Variants in SORCS2 observed in about 807,000 individuals in gnomAD.
The protein encoded by SORCS2 is sortilin related VPS10 domain containing receptor 2, also known as VPS10 domain-containing receptor SorCS2.
In SORCS2, 100 loss-of-function variants were observed where a neutral mutation model predicts 141.6. The ratio of observed to expected loss-of-function variants is 0.71; its 90% CI spans 0.60 to 0.83. SORCS2 has a LOEUF of 0.83. Ranked by LOEUF, SORCS2 falls within the 40% of genes least tolerant of loss-of-function variation. SORCS2 has a pLI of 0.00. For missense variants in SORCS2, 1,646 were observed against 1,560.2 expected, an observed-to-expected ratio of 1.05 and a Z score of -0.93; for synonymous variants, 789 against 676.9, an observed-to-expected ratio of 1.17 and a Z score of -2.57.
At chr4:7,692,417 C>A (rs1461402008) in intron 11 of SORCS2, among the ~76,000 whole-genome samples, 1 of 152,232 alleles carries the variant, frequency 6.6e-6, no homozygotes, top group African/African-American at 2.4e-5. Context: ...CTGCACTTCT[C>A]TGAGCCTCAG....
intron 1 of SORCS2, among the ~76,000 whole-genome samples, chr4:7,325,490 A>G (rs1173832475): frequency 6.6e-6 from 1 of 152,016 alleles, no homozygotes. Context: ...AATTTGGGGA[A>G]AACTGTTGGT....
chr4:7,733,232 TC>T (rs1711847951), intron 23 of SORCS2, 89 bp from the exon 24 acceptor site: 1 of 522,654 alleles, frequency 1.9e-6, no homozygotes, highest in Admixed American at 9.0e-5. Context: ...GACCCCTCAC[TC>T]CCCTCCTGGA....
At chr4:7,700,707 C>T (rs768787642) in intron 12 of SORCS2, among the ~76,000 whole-genome samples, 1 of 152,198 alleles carries the variant, frequency 6.6e-6, no homozygotes, top group Non-Finnish European at 1.5e-5. Context: ...CCCCGCTCCA[C>T]CCCCGGGGGC....
chr4:7,658,751 G>T (rs896860138), intron 5 of SORCS2, among the ~76,000 whole-genome samples: 1 of 152,208 alleles, frequency 6.6e-6, no homozygotes, highest in Non-Finnish European at 1.5e-5. Flanking sequence ...GGTCCCTGGA[G>T]AAGGTGAGGC....
At chr4:7,628,467 T>G (rs546416898) in intron 3 of SORCS2, among the ~76,000 whole-genome samples, 1 of 147,806 alleles carries the variant, frequency 6.8e-6, no homozygotes, top group Non-Finnish European at 1.5e-5. Context: ...TGCAGTGAGC[T>G]GAGATTGTGC....
chr4:7,212,465 AGGGGGCT>A (rs1031737624), intron 1 of SORCS2, among the ~76,000 whole-genome samples: 2 of 152,232 alleles, frequency 1.3e-5, no homozygotes, highest in Non-Finnish European at 2.9e-5. Context: ...CAGAATGTCC[AGGGGGCT>A]GGCTTCAGGC....
chr4:7,638,506 G>A lies in SORCS2; in HGVS notation c.813+14G>A, dbSNP rs752845905. 1 of 1,605,148 alleles carries A rather than the reference G, an allele frequency of 6.2e-7. No individual in the cohort carries two copies. The highest frequency in any genetic ancestry group is 8.5e-7 in the Non-Finnish European group (1 of 1,177,076). ...AAGGAGAGCAAGGTAAGATATATGG[G>A]TGCCAGTCGCCTGGTCTGTGGGGCT... On this transcript the variant is annotated intron_variant, in intron 4 of 26. Transcript: ENST00000507866.
chr4:7,379,995 C>T (rs1416366319), intron 1 of SORCS2, among the ~76,000 whole-genome samples: 1 of 152,240 alleles, frequency 6.6e-6, no homozygotes, highest in African/African-American at 2.4e-5. Flanking sequence ...TTCTGCTTTC[C>T]TGATGCCCAG....
chr4:7,616,333 T>C (rs143099644), intron 3 of SORCS2, among the ~76,000 whole-genome samples: 2 of 152,218 alleles, frequency 1.3e-5, no homozygotes, highest in Non-Finnish European at 2.9e-5. Context: ...CATCTGTCCA[T>C]TCACCCATCC....
In SORCS2 at chr4:7,704,177, G is replaced by A. The variant is rs779089341; in HGVS notation, c.1761G>A (p.Lys587=). 1.2e-6 allele frequency: 2 copies of A among 1,611,460 alleles called. No homozygotes were observed. The highest frequency in any genetic ancestry group is 1.3e-5 in the African/African-American group (1 of 75,040). Residue 587 remains lysine, a splice_region_variant and synonymous_variant, in exon 14 of 27, where the codon AAG becomes AAA. Transcript: ENST00000507866. ...GATGCTGACGATCTTCTCCTGGCAG[G>A]TTCAGTGTGGACGAGGGCCTCACCT... ...KDTSIPLKIL[K]FSVDEGLTWS...
intron 1 of SORCS2, among the ~76,000 whole-genome samples, chr4:7,215,786 C>G (rs781175831): frequency 1.3e-5 from 2 of 151,924 alleles, no homozygotes; most frequent in South Asian, 2.1e-4. Context: ...ACCTGTGTGT[C>G]GAAACTGTGT....
chr4:7,475,433 C>T (rs898883977), intron 2 of SORCS2, among the ~76,000 whole-genome samples: 4 of 152,092 alleles, frequency 2.6e-5, no homozygotes, highest in East Asian at 1.9e-4. Flanking sequence ...GTGGTAGGCT[C>T]GGCCGGCCCC....
chr4:7,650,754 A>AGCCCG (rs1721392382), intron 4 of SORCS2, among the ~76,000 whole-genome samples: 4 of 44,226 alleles, frequency 9.0e-5, no homozygotes, highest in Non-Finnish European at 1.4e-4. Context: ...AGCCCAGCCC[A>AGCCCG]GCCCAGCCCA....
intron 2 of SORCS2, among the ~76,000 whole-genome samples, chr4:7,473,758 G>C (rs556612622): frequency 6.6e-6 from 1 of 152,106 alleles, no homozygotes; most frequent in African/African-American, 2.4e-5. Flanking sequence ...GAGGTGGGAG[G>C]GTGGGCGCGG....
At chr4:7,333,623 G>A (rs1577410721) in intron 1 of SORCS2, among the ~76,000 whole-genome samples, 1 of 152,268 alleles carries the variant, frequency 6.6e-6, no homozygotes, top group South Asian at 2.1e-4. Flanking sequence ...CCTGGGGACT[G>A]GCCAGGCCCC....
chr4:7,508,191 G>A (rs1577673721), intron 2 of SORCS2, among the ~76,000 whole-genome samples: 1 of 144,492 alleles, frequency 6.9e-6, no homozygotes, highest in African/African-American at 2.5e-5. Context: ...ATGTAGGGAG[G>A]AAGGGAAGGG....
intron 2 of SORCS2, among the ~76,000 whole-genome samples, chr4:7,470,821 T>C (rs1052196555): frequency 6.6e-6 from 1 of 152,258 alleles, no homozygotes; most frequent in African/African-American, 2.4e-5. Context: ...CTGCTTCACC[T>C]GCATGAGCTC....
chr4:7,618,571 C>T (rs1453037398), intron 3 of SORCS2, among the ~76,000 whole-genome samples: 6 of 152,304 alleles, frequency 3.9e-5, no homozygotes, highest in East Asian at 1.9e-4. Context: ...CCTCCAGCTT[C>T]GGGACTCCTG....
chr4:7,725,914 G>A (rs557274620), intron 20 of SORCS2, among the ~76,000 whole-genome samples: 10 of 152,246 alleles, frequency 6.6e-5, no homozygotes, highest in Non-Finnish European at 1.3e-4. Context: ...GCTCTGGATT[G>A]TGTTTCTCTA....
Sources: gnomAD v4.1 joint callset for allele counts (sites outside exome capture counted in the v4.1 genomes callset) on GRCh38, gnomAD v4.1.1 for gene constraint, MANE v1.5 for transcripts, NCBI Gene and HGNC (gene_info 2026-07-23, HGNC 2026-07-21) for gene names.